PDK1: variants seen among roughly 807,000 people sequenced by gnomAD.
The protein encoded by PDK1 is [Pyruvate dehydrogenase (acetyl-transferring)] kinase isozyme 1, mitochondrial.
A neutral mutation model predicts 54.2 loss-of-function variants in PDK1; 39 were observed. That is an observed-to-expected ratio of 0.72 (90% confidence interval 0.56 to 0.94). The LOEUF is 0.94. Among genes scored for constraint, PDK1 ranks in the 40% least tolerant of loss-of-function variants. The pLI is 0.00. For synonymous variants in PDK1, 221 were observed against 207.1 expected, an observed-to-expected ratio of 1.07 and a Z score of -0.58; for missense variants, 552 against 566.0, an observed-to-expected ratio of 0.98 and a Z score of 0.25.
chr2:172,720,116 C>CTTTTTTT, the PDK1 span, among the ~76,000 whole-genome samples: 2 of 116,728 alleles, frequency 1.7e-5, no homozygotes, highest in Admixed American at 9.9e-5. Context: ...CTCTCTCTCT[C>CTTTTTTT]TTTTTTTTTT....
At position 172,605,656 on chromosome 2, in the gene PDK1, T is replaced by G. The variant is rs1691267350; in HGVS notation, c.*9687T>G. On this transcript the variant is annotated 3_prime_UTR_variant, in exon 11 of 11. Coordinates refer to ENST00000282077, the MANE Select transcript of PDK1 (RefSeq NM_002610.5). ...TCCCAAAGTGTTGGGATAGCAGGCA[T>G]GAACCACCGTGCTCAGCCTCTCTGT... The G allele has an allele frequency of 6.6e-6, 1 of 152,280 alleles. No homozygotes were observed. Among genetic ancestry groups the G allele is most frequent in the Non-Finnish European group, 1.5e-5 (1 of 68,102 alleles). The allele number at this position is 152,280 out of a possible 1,614,324, so 9.4% of individuals were successfully genotyped here.
chr2:172,591,859 C>G (rs986608968), intron 9 of PDK1, among the ~76,000 whole-genome samples: 1 of 152,220 alleles, frequency 6.6e-6, no homozygotes, highest in South Asian at 2.1e-4. Flanking sequence ...CTTCCTGATT[C>G]TGTAAGTACT....
chr2:172,670,392 C>G, the PDK1 span, among the ~76,000 whole-genome samples: 1 of 152,138 alleles, frequency 6.6e-6, no homozygotes, highest in Non-Finnish European at 1.5e-5. Context: ...ACATACTATA[C>G]TTGAACTTTC....
chr2:172,583,581 C>T (rs1367970388), intron 8 of PDK1, among the ~76,000 whole-genome samples: 1 of 151,898 alleles, frequency 6.6e-6, no homozygotes, highest in East Asian at 1.9e-4. Context: ...GTGTAAGCCA[C>T]CACACCCAGC....
At chr2:172,696,822 T>C in the PDK1 span, among the ~76,000 whole-genome samples, 6 of 152,298 alleles carry the variant, frequency 3.9e-5, no homozygotes, top group African/African-American at 1.4e-4. Context: ...TTATTCATGA[T>C]CTTATAGGAT....
chr2:172,663,690 C>T, the PDK1 span, among the ~76,000 whole-genome samples: 36 of 152,246 alleles, frequency 2.4e-4, no homozygotes, highest in Non-Finnish European at 4.0e-4. Flanking sequence ...CTGGCCCCTC[C>T]GCTTCTTGGG....
At chr2:172,556,981 A>G (rs1553476036) in intron 1 of PDK1, among the ~76,000 whole-genome samples, 1 of 152,220 alleles carries the variant, frequency 6.6e-6, no homozygotes, top group Non-Finnish European at 1.5e-5. Context: ...TGCAGAAGGA[A>G]TTGCATAGTT....
At chr2:172,689,092 T>G in the PDK1 span, among the ~76,000 whole-genome samples, 1 of 152,210 alleles carries the variant, frequency 6.6e-6, no homozygotes, top group African/African-American at 2.4e-5. Flanking sequence ...CTTTTATTCC[T>G]GTATTTGTCC....
chr2:172,596,362 G>C lies in PDK1; in HGVS notation c.*393G>C, dbSNP rs1530865. ...TGATTAGCTGGTTAGCCATCTTCCT[G>C]TTATTTGGAGGAGTTCTGCCATCTT... is the stretch of plus-strand genomic sequence containing the variant. On this transcript the variant is annotated 3_prime_UTR_variant, in exon 11 of 11. Transcript: ENST00000282077. 0.06 allele frequency: 9,438 copies of C among 157,200 alleles called. 392 individuals are homozygous for C. The highest frequency in any genetic ancestry group is 0.21 in the East Asian group (1,131 of 5,448). The allele number at this position is 157,200 out of a possible 1,614,324, so 9.7% of individuals were successfully genotyped here.
chr2:172,558,683 C>T (rs1688490763), intron 1 of PDK1, 25 bp from the exon 2 acceptor site: 2 of 1,580,800 alleles, frequency 1.3e-6, no homozygotes, highest in Admixed American at 2.0e-5. Context: ...TTACTTACTG[C>T]TTTACCCATC....
chr2:172,643,581 C>G, the PDK1 span, among the ~76,000 whole-genome samples: 18 of 152,202 alleles, frequency 1.2e-4, no homozygotes, highest in African/African-American at 4.1e-4. Context: ...TTCCTGGGGA[C>G]AGGCCACATC....
At chr2:172,678,610 C>A in the PDK1 span, among the ~76,000 whole-genome samples, 268 of 152,244 alleles carry the variant, frequency 1.8e-3, 2 homozygotes, top group South Asian at 0.023. Context: ...CCTTTTATAG[C>A]AAGAGGCCAT....
chr2:172,613,753 G>A, the PDK1 span, among the ~76,000 whole-genome samples: 1 of 152,200 alleles, frequency 6.6e-6, no homozygotes, highest in African/African-American at 2.4e-5. Flanking sequence ...AAGTGTGGCT[G>A]GGGCTGCATA....
intron 5 of PDK1, 34 bp from the exon 6 acceptor site, chr2:172,566,822 A>G (rs755579631): frequency 7.1e-7 from 1 of 1,408,786 alleles, no homozygotes; most frequent in Non-Finnish European, 1.0e-6. Context: ...TATATTTATT[A>G]AATCCTTTTT....
At chr2:172,583,451 G>A (rs13419661) in intron 8 of PDK1, among the ~76,000 whole-genome samples, 1 of 151,640 alleles carries the variant, frequency 6.6e-6, no homozygotes, top group East Asian at 1.9e-4. Flanking sequence ...GCACCATGAC[G>A]CCTGACTAAT....
At chr2:172,589,455 G>T (rs1690448385) in intron 9 of PDK1, among the ~76,000 whole-genome samples, 1 of 152,166 alleles carries the variant, frequency 6.6e-6, no homozygotes, top group Admixed American at 6.5e-5. Flanking sequence ...CTCTCCAGGG[G>T]CCCGGCCTGC....
chr2:172,622,026 C>T, the PDK1 span, among the ~76,000 whole-genome samples: 1 of 144,626 alleles, frequency 6.9e-6, no homozygotes, highest in Non-Finnish European at 1.5e-5. Context: ...GTTCATATCT[C>T]GTATATACGT....
chr2:172,629,858 C>G, the PDK1 span, among the ~76,000 whole-genome samples: 5 of 152,184 alleles, frequency 3.3e-5, no homozygotes, highest in Admixed American at 2.6e-4. Context: ...CCTGCATGCT[C>G]CCCGTCCTGT....
rs770347302 is a variant in PDK1 at position 172,586,272 on chromosome 2, C to T, written c.946-6C>T. The T allele has an allele frequency of 6.3e-6, 10 of 1,581,916 alleles. No individual in the cohort carries two copies. In the South Asian group the frequency reaches 1.0e-4, roughly 16 times the overall value. On this transcript the variant is annotated splice_region_variant and splice_polypyrimidine_tract_variant and intron_variant, in intron 8 of 10. Transcript: ENST00000282077. ...GGCATAGAGCACGATCCTTTTCTTA[C>T]CTTAGATGAGTGACCGAGGAGGTGG... is the stretch of plus-strand genomic sequence containing the variant.
Sources: allele counts gnomAD v4.1 joint callset (sites outside exome capture counted in the v4.1 genomes callset), GRCh38; gene constraint gnomAD v4.1.1; transcripts MANE v1.5; gene names NCBI Gene and HGNC (gene_info 2026-07-23, HGNC 2026-07-21).